MALRD1: variants seen among roughly 807,000 people sequenced by gnomAD.
The protein encoded by MALRD1 is MAM and LDL-receptor class A domain-containing protein 1.
Under a neutral mutation model 242.1 loss-of-function variants are expected in MALRD1, and 247 were observed. The observed-to-expected ratio is 1.02, with a 90% CI of 0.92 to 1.13. The LOEUF (loss-of-function observed/expected upper bound fraction) is 1.13. MALRD1 is among the 50% of genes most tolerant of loss of function. The pLI, the probability that MALRD1 is intolerant of heterozygous loss-of-function variation, is 0.00. For synonymous variants in MALRD1, 995 were observed against 866.6 expected (o/e 1.15, Z -2.60); for missense variants, 2,989 against 2,533.1 (o/e 1.18, Z -3.86).
intron 28 of MALRD1, among the ~76,000 whole-genome samples, chr10:19,398,824 A>G (rs535403268): frequency 6.6e-6 from 1 of 152,320 alleles, no homozygotes; most frequent in South Asian, 2.1e-4. Context: ...AAAATTTGAG[A>G]TACATTAAGT....
At chr10:19,297,345 G>A (rs1841752811) in intron 21 of MALRD1, among the ~76,000 whole-genome samples, 1 of 151,624 alleles carries the variant, frequency 6.6e-6, no homozygotes, top group Admixed American at 6.6e-5. Context: ...ATTTAAAACA[G>A]TTAATTCTAT....
intron 28 of MALRD1, among the ~76,000 whole-genome samples, chr10:19,428,233 A>G (rs951197450): frequency 2.0e-5 from 3 of 151,800 alleles, no homozygotes; most frequent in African/African-American, 7.3e-5. Context: ...GGCAAGCTCC[A>G]CGTTTAATTA....
intron 26 of MALRD1, among the ~76,000 whole-genome samples, chr10:19,355,466 G>A (rs1223976939): frequency 6.6e-6 from 1 of 151,504 alleles, no homozygotes; most frequent in Non-Finnish European, 1.5e-5. Context: ...TTCATATAAA[G>A]TATGATAACT....
intron 28 of MALRD1, 51 bp downstream of exon 28, chr10:19,389,660 G>C: frequency 2.0e-6 from 3 of 1,518,298 alleles, no homozygotes; most frequent in Non-Finnish European, 2.7e-6. Flanking sequence ...CTGTTTTAGA[G>C]ACAGGGTCTT....
intron 19 of MALRD1, among the ~76,000 whole-genome samples, chr10:19,258,268 A>G (rs1233785394): frequency 4.6e-5 from 7 of 152,296 alleles, no homozygotes; most frequent in Non-Finnish European, 1.0e-4. Context: ...CCCTAACTCC[A>G]GACTCATATA....
At chr10:19,215,523 G>A (rs1837270397) in intron 18 of MALRD1, among the ~76,000 whole-genome samples, 1 of 151,860 alleles carries the variant, frequency 6.6e-6, no homozygotes, top group African/African-American at 2.4e-5. Flanking sequence ...TGATTTCTTT[G>A]GTGCATTGTC....
At chr10:19,576,786 C>A (rs541776630) in intron 33 of MALRD1, among the ~76,000 whole-genome samples, 1 of 152,148 alleles carries the variant, frequency 6.6e-6, no homozygotes, top group Admixed American at 6.6e-5. Context: ...AGGGGCAGAG[C>A]GAAAGCTGCT....
At chr10:19,193,654 G>A (rs147982839) in intron 14 of MALRD1, among the ~76,000 whole-genome samples, 15 of 152,224 alleles carry the variant, frequency 9.9e-5, no homozygotes, top group African/African-American at 1.9e-4. Context: ...AATGAGTAGC[G>A]TTAATATAAA....
intron 26 of MALRD1, among the ~76,000 whole-genome samples, chr10:19,358,267 G>A (rs1844730701): frequency 6.6e-6 from 1 of 150,378 alleles, no homozygotes; most frequent in Admixed American, 6.6e-5. Flanking sequence ...CCAAACAGGA[G>A]TTATTCAATA....
At chr10:19,059,997 C>T (rs957903072) in intron 1 of MALRD1, among the ~76,000 whole-genome samples, 31 of 152,136 alleles carry the variant, frequency 2.0e-4, no homozygotes, top group African/African-American at 7.0e-4. Context: ...CAGTCAATAT[C>T]GGCAAGAAAA....
rs376365529 is a variant in MALRD1, at chr10:19,226,857, G to A, written c.2991+17177G>A. ...GAAAGATCAATAAATAAAATCAATT[G>A]TGTTTCTATACACAATCAACACCAA... On this transcript the variant is annotated intron_variant, in intron 18 of 39. Coordinates refer to ENST00000454679, the MANE Select transcript of MALRD1 (RefSeq NM_001142308.3). Among the ~76,000 whole-genome samples, 162 of 152,024 alleles carry A rather than the reference G, an allele frequency of 1.1e-3. 3 individuals are homozygous for A. The highest frequency in any genetic ancestry group is 3.9e-3 in the African/African-American group (161 of 41,546).
At chr10:19,084,300 C>T (rs767881926) in intron 2 of MALRD1, among the ~76,000 whole-genome samples, 19 of 151,812 alleles carry the variant, frequency 1.3e-4, no homozygotes, top group African/African-American at 2.7e-4. Flanking sequence ...CTCTATTATC[C>T]GAACTAAACT....
intron 34 of MALRD1, among the ~76,000 whole-genome samples, chr10:19,606,479 C>A (rs537356799): frequency 5.9e-4 from 90 of 152,234 alleles, no homozygotes; most frequent in African/African-American, 2.1e-3. Context: ...CATATTTCTG[C>A]TGAACCCTGG....
intron 25 of MALRD1, among the ~76,000 whole-genome samples, chr10:19,349,181 G>A (rs1232746952): frequency 1.3e-5 from 2 of 152,010 alleles, no homozygotes; most frequent in Non-Finnish European, 2.9e-5. Flanking sequence ...GGCTGGTCTC[G>A]AACTCCTGAC....
chr10:19,550,687 A>G (rs6481974), intron 32 of MALRD1, among the ~76,000 whole-genome samples: 15,705 of 152,056 alleles, frequency 0.1, 2,445 homozygotes, highest in African/African-American at 0.34. Flanking sequence ...ATTCTTTTTA[A>G]TGGCTGCATA....
At chr10:19,097,055 T>A (rs1018854172) in intron 4 of MALRD1, among the ~76,000 whole-genome samples, 2 of 152,212 alleles carry the variant, frequency 1.3e-5, no homozygotes, top group African/African-American at 4.8e-5. Context: ...ATTTAAGGAA[T>A]AATAACAACT....
intron 29 of MALRD1, among the ~76,000 whole-genome samples, chr10:19,453,920 G>T (rs1413054459): frequency 6.6e-6 from 1 of 151,934 alleles, no homozygotes; most frequent in Admixed American, 6.6e-5. Flanking sequence ...CAAGCATTGT[G>T]GCTTGCGCCT....
chr10:19,097,547 A>T (rs1476210131), intron 4 of MALRD1, among the ~76,000 whole-genome samples: 1 of 152,200 alleles, frequency 6.6e-6, no homozygotes, highest in Non-Finnish European at 1.5e-5. Flanking sequence ...AATAAAACGA[A>T]CTAAACATAC....
chr10:19,327,104 G>A (rs1843165657), intron 22 of MALRD1, among the ~76,000 whole-genome samples: 1 of 152,012 alleles, frequency 6.6e-6, no homozygotes, highest in Admixed American at 6.6e-5. Flanking sequence ...ACCCATCTGT[G>A]CGCTTACAAT....
Sources: allele counts gnomAD v4.1 joint callset (sites outside exome capture counted in the v4.1 genomes callset), GRCh38; gene constraint gnomAD v4.1.1; transcripts MANE v1.5; gene names NCBI Gene and HGNC (gene_info 2026-07-23, HGNC 2026-07-21).